The following WDR7 variants were observed in gnomAD, a reference collection of about 807,000 sequenced individuals.
WDR7 encodes WD repeat domain 7.
In WDR7, 46 loss-of-function variants were observed where a neutral mutation model predicts 169.4. The observed-to-expected ratio is 0.27, with a 90% CI of 0.21 to 0.35. The LOEUF (loss-of-function observed/expected upper bound fraction) is 0.35. WDR7 is among the 10% of genes least tolerant of loss of function. The probability of loss-of-function intolerance (pLI) is 1.00; values close to 1 mark genes in which losing one functional copy is unlikely to be tolerated. For synonymous variants in WDR7, 612 were observed against 666.8 expected, an observed-to-expected ratio of 0.92 and a Z score of 1.27; for missense variants, 1,534 against 1,859.3, an observed-to-expected ratio of 0.83 and a Z score of 3.22.
intron 19 of WDR7, among the ~76,000 whole-genome samples, chr18:56,790,539 T>A (rs9948856): frequency 0.026 from 4,017 of 152,236 alleles, 72 homozygotes; most frequent in African/African-American, 0.051. Flanking sequence ...TTTTATTATA[T>A]TAGCTAATGA....
chr18:56,860,947 G>A (rs1417483413), intron 20 of WDR7, among the ~76,000 whole-genome samples: 1 of 151,598 alleles, frequency 6.6e-6, no homozygotes, highest in African/African-American at 2.4e-5. Context: ...AGTAAAAAGT[G>A]TATCTTTTAA....
In WDR7 at chr18:56,758,714, C is replaced by CA. The variant is rs553135505; in HGVS notation, c.2760-143dup. 670 of 539,220 alleles carry CA rather than the reference C, an allele frequency of 1.2e-3. 1 individual carries two copies. Among genetic ancestry groups the CA allele is most frequent in the African/African-American group, 7.4e-3 (380 of 51,356 alleles). 33.4% of individuals were successfully genotyped at this position (539,220 alleles called of 1,614,324 possible). The stretch of plus-strand genomic sequence containing the variant: ...ATGGAAAACGTTAATAGGTCCAAAC[C>CA]AAAAAAAATCTTTCTGGAATGGTAA... On this transcript the variant is annotated intron_variant, in intron 15 of 27. Transcript: ENST00000254442.
intron 14 of WDR7, among the ~76,000 whole-genome samples, chr18:56,750,301 C>A (rs570034167): frequency 6.6e-6 from 1 of 152,254 alleles, no homozygotes; most frequent in East Asian, 1.9e-4. Flanking sequence ...TTGGTTCTTA[C>A]ACTGAAAATG....
At chr18:56,979,882 C>A (rs567799981) in intron 26 of WDR7, among the ~76,000 whole-genome samples, 8 of 152,306 alleles carry the variant, frequency 5.3e-5, no homozygotes, top group African/African-American at 1.9e-4. Context: ...CATTTCTATA[C>A]GTTGGGAAAA....
chr18:56,999,253 T>C (rs796263211), intron 26 of WDR7, among the ~76,000 whole-genome samples: 4 of 152,306 alleles, frequency 2.6e-5, no homozygotes, highest in African/African-American at 9.6e-5. Context: ...GTACTGTGTG[T>C]GTTAGAAGAA....
At chr18:56,814,599 G>A (rs1413233011) in intron 19 of WDR7, among the ~76,000 whole-genome samples, 1 of 152,114 alleles carries the variant, frequency 6.6e-6, no homozygotes, top group African/African-American at 2.4e-5. Context: ...AGTACAGATG[G>A]ACACAAAGAA....
Position 56,696,405 on chromosome 18 carries a change from C to T in WDR7, c.1521C>T (p.Ile507=). 6.2e-7 allele frequency: 1 copy of T among 1,614,090 alleles called. No homozygotes were observed. Among genetic ancestry groups the T allele is most frequent in the Non-Finnish European group, 8.5e-7 (1 of 1,180,000 alleles). Residue 507 remains isoleucine (I), a synonymous_variant, in exon 12 of 28, where the codon ATC becomes ATT. Coordinates refer to ENST00000254442, the MANE Select transcript of WDR7 (RefSeq NM_015285.3). ...WDIFSGEMKH[I]FCVHGGEITQ... ...TATTTTCTGGAGAAATGAAACATAT[C>T]TTCTGTGTTCATGGTGGTGAGATTA...
At chr18:56,845,251 G>A (rs758764307) in intron 20 of WDR7, among the ~76,000 whole-genome samples, 1 of 151,974 alleles carries the variant, frequency 6.6e-6, no homozygotes, top group Non-Finnish European at 1.5e-5. Context: ...TACCTTACTT[G>A]GTTGTATATG....
intron 20 of WDR7, 39 bp from the exon 21 acceptor site, chr18:56,879,905 G>T: frequency 1.3e-6 from 2 of 1,505,410 alleles, no homozygotes; most frequent in Non-Finnish European, 1.8e-6. Flanking sequence ...TTTGTATATT[G>T]ATTTGTTCTA....
intron 14 of WDR7, among the ~76,000 whole-genome samples, chr18:56,737,983 T>G (rs1284433350): frequency 1.3e-5 from 2 of 152,180 alleles, no homozygotes; most frequent in African/African-American, 4.8e-5. Context: ...TTCATAAGTA[T>G]GTAAGTTTTG....
At chr18:56,840,814 G>T in intron 20 of WDR7, among the ~76,000 whole-genome samples, 1 of 149,208 alleles carries the variant, frequency 6.7e-6, no homozygotes, top group East Asian at 2.0e-4. Context: ...GTGAGATCTT[G>T]TCTCAAAAAA....
intron 20 of WDR7, among the ~76,000 whole-genome samples, chr18:56,861,898 AGACCGTTG>A (rs1448914545): frequency 1.4e-4 from 22 of 152,278 alleles, no homozygotes; most frequent in African/African-American, 5.1e-4. Context: ...AATAACAATT[AGACCGTTG>A]GACTTTTTCA....
chr18:56,954,078 G>T (rs189581112), intron 25 of WDR7, among the ~76,000 whole-genome samples: 39 of 152,160 alleles, frequency 2.6e-4, no homozygotes, highest in Admixed American at 6.5e-4. Flanking sequence ...TGGCATGGAG[G>T]GTACTAACTT....
chr18:56,799,319 C>G (rs896401394), intron 19 of WDR7, among the ~76,000 whole-genome samples: 1 of 152,062 alleles, frequency 6.6e-6, no homozygotes, highest in Non-Finnish European at 1.5e-5. Context: ...TGTAGAATCT[C>G]TGTGAAATAT....
At chr18:56,674,982 A>G (rs142057647) in intron 2 of WDR7, among the ~76,000 whole-genome samples, 283 of 152,256 alleles carry the variant, frequency 1.9e-3, no homozygotes, top group African/African-American at 6.5e-3. Context: ...ATTGACCATA[A>G]ATGTCATGGG....
At chr18:56,933,710 C>T (rs949439712) in intron 22 of WDR7, among the ~76,000 whole-genome samples, 2 of 152,188 alleles carry the variant, frequency 1.3e-5, no homozygotes, top group Non-Finnish European at 2.9e-5. Context: ...GGTTAGCTGT[C>T]CTGAAAGACA....
chr18:56,755,225 A>G (rs941633832), intron 14 of WDR7, among the ~76,000 whole-genome samples: 1 of 151,692 alleles, frequency 6.6e-6, no homozygotes, highest in Non-Finnish European at 1.5e-5. Context: ...CATGTTTTTT[A>G]TCGTAGTGAA....
chr18:56,984,993 G>A (rs761341328), intron 26 of WDR7, among the ~76,000 whole-genome samples: 3 of 152,166 alleles, frequency 2.0e-5, no homozygotes, highest in Middle Eastern at 3.4e-3. Context: ...CATTGCTGCC[G>A]ACTGCCTGTG....
chr18:56,902,365 G>A lies in WDR7; in HGVS notation c.3527-21557G>A, dbSNP rs186366712. Among the ~76,000 whole-genome samples the A allele has an allele frequency of 3.9e-4, 59 of 152,150 alleles. 1 individual carries two copies. The highest frequency in any genetic ancestry group is 1.7e-3 in the Admixed American group (26 of 15,276). Reference sequence around the variant, plus strand: ...ACTACAAAGTAGAGTTTGCCTTTGTGGACATTTATATAGGGACATGTATAT... The same window carrying A: ...ACTACAAAGTAGAGTTTGCCTTTGTAGACATTTATATAGGGACATGTATAT... On this transcript the variant is annotated intron_variant, in intron 21 of 27. Transcript: ENST00000254442.
Sources: allele counts gnomAD v4.1 joint callset (sites outside exome capture counted in the v4.1 genomes callset), GRCh38; gene constraint gnomAD v4.1.1; transcripts MANE v1.5; gene names NCBI Gene and HGNC (gene_info 2026-07-23, HGNC 2026-07-21).